The following ANKRD36C variants were observed in gnomAD, a reference collection of about 807,000 sequenced individuals.
The protein encoded by ANKRD36C is ankyrin repeat domain-containing protein 36C.
Under a neutral mutation model 276.4 loss-of-function variants are expected in ANKRD36C, and 61 were observed. That is an observed-to-expected ratio of 0.22 (90% CI 0.18 to 0.27). The LOEUF (loss-of-function observed/expected upper bound fraction) is 0.27, where lower values mean the gene tolerates loss of function less well. ANKRD36C is among the 10% of genes least tolerant of loss of function. The pLI, the probability that ANKRD36C is intolerant of heterozygous loss-of-function variation, is 1.00. For missense variants in ANKRD36C, 1,447 were observed against 2,032.3 expected (o/e 0.71, Z 5.54); for synonymous variants, 483 against 680.1 (o/e 0.71, Z 4.51).
intron 34 of ANKRD36C, among the ~76,000 whole-genome samples, chr2:95,918,365 AC>A (rs1163380373): frequency 6.6e-6 from 1 of 151,704 alleles, no homozygotes; most frequent in Non-Finnish European, 1.5e-5. Context: ...AGCAACTCAT[AC>A]ATGTGAGAAT....
chr2:95,875,198 A>G (rs1480342598), intron 59 of ANKRD36C, among the ~76,000 whole-genome samples: 1 of 152,196 alleles, frequency 6.6e-6, no homozygotes, highest in South Asian at 2.1e-4. Context: ...CCAAAGGACT[A>G]TAAATCATGC....
rs73958151 is a variant in ANKRD36C at position 95,936,432 on chromosome 2, G to A, written c.1634-788C>T. 1.7e-4 allele frequency among the ~76,000 whole-genome samples: 22 copies of A among 132,428 alleles called. No individual in the cohort carries two copies. In the South Asian group the frequency reaches 5.4e-3, roughly 33 times the overall value. 86.9% of individuals were successfully genotyped at this position (132,428 alleles called of 152,430 possible). A position where few individuals can be genotyped will look rare whatever the true frequency, so the allele number is the denominator to read the frequency against. On this transcript the variant is annotated intron_variant, in intron 22 of 66. Coordinates refer to ENST00000456556, the Ensembl canonical transcript of ANKRD36C. ...GCTTCCACAGTCAGTTTGACATGCAGTGCATCACATTTTGCTAACATGAAG... is the reference window on the plus strand; with the variant it reads ...GCTTCCACAGTCAGTTTGACATGCAATGCATCACATTTTGCTAACATGAAG...
exon 50 of ANKRD36C, chr2:95,887,958 T>C: frequency 6.3e-7 from 1 of 1,599,284 alleles, no homozygotes; most frequent in Admixed American, 1.7e-5. Context: ...TTTATTTCTG[T>C]GGGTATATTC....
intron 60 of ANKRD36C, among the ~76,000 whole-genome samples, chr2:95,864,188 C>T (rs184740051): frequency 8.6e-5 from 13 of 151,998 alleles, no homozygotes; most frequent in East Asian, 7.7e-4. Context: ...AAATTGTATC[C>T]GACAGTATAA....
rs902933960 is a variant in ANKRD36C at position 95,918,144 on chromosome 2, C to G, written c.2246-102G>C. 5.3e-6 allele frequency: 8 copies of G among 1,498,898 alleles called. No individual in the cohort carries two copies. The Admixed American group carries it at 1.2e-4, about 22-fold the overall frequency. 92.8% of individuals were successfully genotyped at this position (1,498,898 alleles called of 1,614,324 possible). A position where few individuals can be genotyped will look rare whatever the true frequency, so the allele number is the denominator to read the frequency against. On this transcript the variant is annotated intron_variant, in intron 34 of 66. Coordinates refer to ENST00000456556, the Ensembl canonical transcript of ANKRD36C. ...ATCAAGCTGTATCCTTCTGCCTGTA[C>G]TAGTGTAGGCTCTGATGTCTTCTAC...
chr2:95,889,097 C>T (rs889649120), intron 48 of ANKRD36C, among the ~76,000 whole-genome samples: 2 of 151,484 alleles, frequency 1.3e-5, no homozygotes, highest in East Asian at 1.9e-4. Flanking sequence ...CTGAAATCAA[C>T]AAAACAAGTA....
intron 42 of ANKRD36C, 39 bp downstream of exon 46, chr2:95,910,334 C>A (rs1676875773): frequency 5.9e-6 from 9 of 1,514,864 alleles, no homozygotes; most frequent in South Asian, 1.2e-5. Context: ...TCTTATCTAT[C>A]TGGACAGAAC....
At chr2:95,971,136 A>G (rs1371761003) in intron 6 of ANKRD36C, among the ~76,000 whole-genome samples, 2 of 152,186 alleles carry the variant, frequency 1.3e-5, no homozygotes, top group Non-Finnish European at 2.9e-5. Flanking sequence ...ACTATGCTGG[A>G]CATATCAAAA....
At chr2:95,956,722 C>G in intron 13 of ANKRD36C, 64 bp downstream of exon 13, 1 of 1,427,266 alleles carries the variant, frequency 7.0e-7, no homozygotes, top group Non-Finnish European at 9.5e-7. Context: ...TAAACGGGCA[C>G]TAGTTTCTAT....
intron 4 of ANKRD36C, among the ~76,000 whole-genome samples, chr2:95,982,044 G>A (rs1234176462): frequency 6.6e-6 from 1 of 152,116 alleles, no homozygotes; most frequent in Non-Finnish European, 1.5e-5. Flanking sequence ...TATATAGAGA[G>A]ATGAATCCTG....
intron 26 of ANKRD36C, 87 bp from the exon 27 acceptor site, chr2:95,927,496 A>G (rs1677440288): frequency 6.3e-7 from 1 of 1,583,676 alleles, no homozygotes; most frequent in East Asian, 2.3e-5. Context: ...ATCAAACTAT[A>G]TCTTCCTGCC....
intron 40 of ANKRD36C, 42 bp downstream of exon 42, chr2:95,914,066 T>C (rs1466703142): frequency 3.3e-6 from 5 of 1,512,514 alleles, no homozygotes; most frequent in South Asian, 1.2e-5. Context: ...ATTTCTTATC[T>C]ATCTCGACTG....
chr2:95,962,062 A>G (rs1173929151), intron 8 of ANKRD36C, among the ~76,000 whole-genome samples: 1 of 152,028 alleles, frequency 6.6e-6, no homozygotes, highest in Non-Finnish European at 1.5e-5. Flanking sequence ...TGATGGAAAC[A>G]TGCTGTAGAA....
At chr2:95,929,050 T>C (rs1251574363) in intron 26 of ANKRD36C, 22 bp downstream of exon 26, 3 of 1,601,440 alleles carry the variant, frequency 1.9e-6, no homozygotes, top group Non-Finnish European at 2.5e-6. Flanking sequence ...AACATGACAT[T>C]AGAAGTGTTT....
intron 28 of ANKRD36C, among the ~76,000 whole-genome samples, chr2:95,926,017 TG>T (rs1558642629): frequency 6.6e-6 from 1 of 151,554 alleles, no homozygotes. Context: ...ACAATGACAA[TG>T]ACACTTTAGT....
chr2:95,954,003 C>A (rs770705193), exon 14 of ANKRD36C: 1 of 1,529,240 alleles, frequency 6.5e-7, no homozygotes, highest in Non-Finnish European at 8.7e-7. Context: ...TCTGTAGAGA[C>A]TCCTACAGAG....
At chr2:95,901,318 C>T in intron 42 of ANKRD36C, 112 bp from the exon 55 acceptor site, 2 of 91,816 alleles carry the variant, frequency 2.2e-5, no homozygotes, top group Non-Finnish European at 3.7e-5. Flanking sequence ...TTAGTGGAGG[C>T]TTTGATGGCT....
At chr2:95,890,131 G>C in intron 46 of ANKRD36C, 137 bp from the exon 67 acceptor site, 1 of 1,198,882 alleles carries the variant, frequency 8.3e-7, no homozygotes, top group Non-Finnish European at 1.2e-6. Context: ...TATTGTGTCG[G>C]GGACAAGAAC....
At chr2:95,886,653 G>A (rs539116723) in intron 50 of ANKRD36C, among the ~76,000 whole-genome samples, 1 of 151,772 alleles carries the variant, frequency 6.6e-6, no homozygotes, top group African/African-American at 2.4e-5. Flanking sequence ...CCATTATACT[G>A]CAAACATTCA....
Sources: allele counts gnomAD v4.1 joint callset (sites outside exome capture counted in the v4.1 genomes callset), GRCh38; gene constraint gnomAD v4.1.1; transcripts MANE v1.5; gene names NCBI Gene and HGNC (gene_info 2026-07-23, HGNC 2026-07-21).